The following GPD2 variants were observed in gnomAD, a reference collection of about 807,000 sequenced individuals.
GPD2 encodes the protein glycerol-3-phosphate dehydrogenase 2.
GPD2 carries 54 observed loss-of-function variants against 82.4 expected under a neutral mutation model. That is an observed-to-expected ratio of 0.66 (90% CI 0.53 to 0.82). The LOEUF (loss-of-function observed/expected upper bound fraction) is 0.82. Ranked by LOEUF, GPD2 falls within the 40% of genes least tolerant of loss-of-function variation. The probability of loss-of-function intolerance (pLI) is 0.00; values close to 1 mark genes in which losing one functional copy is unlikely to be tolerated. For missense variants in GPD2, 748 were observed against 896.2 expected (o/e 0.83, Z 2.11); for synonymous variants, 288 against 306.1 (o/e 0.94, Z 0.62).
chr2:156,467,394 C>CATACATATTCACACAACA (rs1463169576), intron 1 of GPD2, among the ~76,000 whole-genome samples: 3 of 152,226 alleles, frequency 2.0e-5, no homozygotes, highest in Non-Finnish European at 4.4e-5. Flanking sequence ...ATGTTTCACA[C>CATACATATTCACACAACA]ATTTCTGTTG....
At chr2:156,530,364 T>C (rs1379890670) in intron 6 of GPD2, among the ~76,000 whole-genome samples, 1 of 145,384 alleles carries the variant, frequency 6.9e-6, no homozygotes, top group East Asian at 2.0e-4. Flanking sequence ...TATACGATCA[T>C]GTCATCTGCA....
At chr2:156,501,954 G>A (rs1402335343) in intron 3 of GPD2, 1 of 164,228 alleles carries the variant, frequency 6.1e-6, no homozygotes, top group African/African-American at 2.4e-5. Flanking sequence ...TAAAGGAACA[G>A]AGAATCAGTC....
At chr2:156,453,436 A>C (rs1462100021) in intron 1 of GPD2, among the ~76,000 whole-genome samples, 2 of 152,202 alleles carry the variant, frequency 1.3e-5, no homozygotes, top group Non-Finnish European at 2.9e-5. Context: ...AAGAAAGAGA[A>C]GGTGGTGTTT....
intron 2 of GPD2, among the ~76,000 whole-genome samples, chr2:156,485,715 C>G (rs570139082): frequency 7.0e-4 from 107 of 152,334 alleles, no homozygotes; most frequent in African/African-American, 2.4e-3. Flanking sequence ...GAACCTATGT[C>G]TCTTTATTCT....
intron 13 of GPD2, among the ~76,000 whole-genome samples, chr2:156,578,257 C>T (rs1687895406): frequency 6.6e-6 from 1 of 152,166 alleles, no homozygotes; most frequent in East Asian, 1.9e-4. Flanking sequence ...GTATCAGAAT[C>T]CCAGTGGCAA....
At chr2:156,580,522 G>A (rs960391174) in intron 16 of GPD2, among the ~76,000 whole-genome samples, 1 of 152,148 alleles carries the variant, frequency 6.6e-6, no homozygotes, top group African/African-American at 2.4e-5. Context: ...AATGTATTGG[G>A]TTTCCAAGCA....
chr2:156,477,839 T>C (rs1242667684), intron 2 of GPD2, among the ~76,000 whole-genome samples: 2 of 152,186 alleles, frequency 1.3e-5, no homozygotes, highest in African/African-American at 4.8e-5. Context: ...TGTGAAAAGA[T>C]GTGGCTTCTG....
chr2:156,512,268 A>T lies in GPD2; in HGVS notation c.448A>T (p.Ile150Phe), dbSNP rs1685027919. ...ALHERANLLEIAPHLSAPLPI... is the reference protein window; with the variant it reads ...ALHERANLLEFAPHLSAPLPI... ...TCATGAGCGTGCCAACCTGCTAGAA[A>T]TTGCTCCCCATTTATCAGCTCCATT... The change falls in exon 5 of 17, where the codon ATT becomes TTT. Residue 150 changes from isoleucine (I) to phenylalanine (F), a missense_variant. Physicochemically the swap from Ile to Phe is conservative, Grantham distance 21 (BLOSUM62 0). This residue lies in a region of GPD2 where 692 missense variants were observed against 809.7 expected (regional missense o/e 0.85). Coordinates refer to ENST00000438166, the MANE Select transcript of GPD2 (RefSeq NM_000408.5). 4 of 1,606,912 alleles carry T rather than the reference A, an allele frequency of 2.5e-6. No homozygotes were observed. The highest frequency in any genetic ancestry group is 3.4e-6 in the Non-Finnish European group (4 of 1,173,464).
rs191437849 is a variant in GPD2, at chr2:156,496,509, C to T, written c.274+294C>T. On this transcript the variant is annotated intron_variant, in intron 3 of 16. Transcript: ENST00000438166. The stretch of plus-strand genomic sequence containing the variant: ...ACTTCATCCTTTCTCCCAGTAAATA[C>T]ACAATATGCAGTCTATAGTAGTGAG... Among the ~76,000 whole-genome samples the T allele has an allele frequency of 3.7e-4, 56 of 152,140 alleles. 1 individual carries two copies. Among genetic ancestry groups the T allele is most frequent in the East Asian group, 2.7e-3 (14 of 5,170 alleles).
intron 6 of GPD2, among the ~76,000 whole-genome samples, chr2:156,524,336 T>TA (rs1357140022): frequency 6.6e-6 from 1 of 152,250 alleles, no homozygotes; most frequent in African/African-American, 2.4e-5. Context: ...AATGATTGGT[T>TA]ATTTCTCATA....
At chr2:156,414,720 A>G in the GPD2 span, among the ~76,000 whole-genome samples, 3 of 152,298 alleles carry the variant, frequency 2.0e-5, no homozygotes, top group South Asian at 4.1e-4. Context: ...ATATTTTCAA[A>G]TGTTATTGGG....
At chr2:156,462,453 A>ATTTTTT (rs35159143) in intron 1 of GPD2, among the ~76,000 whole-genome samples, 18 of 118,182 alleles carry the variant, frequency 1.5e-4, no homozygotes, top group Non-Finnish European at 1.9e-4. Context: ...ACCCGGATAC[A>ATTTTTT]TTTTTTTTTT....
chr2:156,420,913 C>T, the GPD2 span, among the ~76,000 whole-genome samples: 1 of 152,096 alleles, frequency 6.6e-6, no homozygotes, highest in Non-Finnish European at 1.5e-5. Context: ...AATAATGCTC[C>T]AAAAAACAAA....
chr2:156,491,021 A>G (rs1379174693), intron 2 of GPD2, among the ~76,000 whole-genome samples: 1 of 151,344 alleles, frequency 6.6e-6, no homozygotes, highest in Non-Finnish European at 1.5e-5. Flanking sequence ...GTTTTGATAC[A>G]GTTATGTAAT....
the GPD2 span, among the ~76,000 whole-genome samples, chr2:156,409,010 G>A: frequency 6.6e-6 from 1 of 152,194 alleles, no homozygotes; most frequent in Non-Finnish European, 1.5e-5. Flanking sequence ...GTTGGACAGA[G>A]AGACACGCAT....
intron 13 of GPD2, 95 bp downstream of exon 13, chr2:156,571,387 C>G: frequency 1.5e-6 from 1 of 680,044 alleles, no homozygotes; most frequent in Non-Finnish European, 2.4e-6. Flanking sequence ...TGATGATAAC[C>G]TTAGATTTCT....
the GPD2 span, among the ~76,000 whole-genome samples, chr2:156,402,888 G>T: frequency 2.6e-5 from 4 of 151,932 alleles, no homozygotes; most frequent in African/African-American, 9.7e-5. Flanking sequence ...AGATTATTTA[G>T]TTCAGGGCTT....
chr2:156,555,567 C>CT (rs1686933192), intron 8 of GPD2, among the ~76,000 whole-genome samples: 1 of 152,050 alleles, frequency 6.6e-6, no homozygotes, highest in African/African-American at 2.4e-5. Flanking sequence ...AGAATGAACT[C>CT]TGAGTGTTCT....
chr2:156,581,163 G>GT (rs558008599), intron 16 of GPD2, among the ~76,000 whole-genome samples: 51 of 149,580 alleles, frequency 3.4e-4, no homozygotes, highest in Middle Eastern at 6.8e-3. Flanking sequence ...TTCTTGTAGA[G>GT]TTTTTTTTTT....
Sources: gnomAD v4.1 joint callset for allele counts (sites outside exome capture counted in the v4.1 genomes callset) on GRCh38, gnomAD v4.1.1 for gene constraint, gnomAD v4.1.1 regional missense constraint, MANE v1.5 for transcripts, NCBI Gene and HGNC (gene_info 2026-07-23, HGNC 2026-07-21) for gene names.